STARD8: variants seen among roughly 807,000 people sequenced by gnomAD.
The protein encoded by STARD8 is StAR related lipid transfer domain containing 8.
STARD8 carries 25 observed loss-of-function variants against 69.4 expected under a neutral mutation model. The observed-to-expected ratio is 0.36, with a 90% confidence interval of 0.26 to 0.50. The LOEUF (loss-of-function observed/expected upper bound fraction) is 0.50, where lower values mean the gene tolerates loss of function less well. STARD8 is among the 20% of genes least tolerant of loss of function. The probability of loss-of-function intolerance (pLI) is 0.96; values close to 1 mark genes in which losing one functional copy is unlikely to be tolerated. For missense variants in STARD8, 921 were observed against 932.5 expected, an observed-to-expected ratio of 0.99 and a Z score of 0.16; for synonymous variants, 389 against 374.6, an observed-to-expected ratio of 1.04 and a Z score of -0.45.
At chrX:68,677,474 T>C (rs971641345) in intron 2 of STARD8, among the ~76,000 whole-genome samples, 16 of 111,674 alleles carry the variant, frequency 1.4e-4, no homozygotes, top group Non-Finnish European at 2.8e-4. Context: ...GTGTCCCCAT[T>C]GCCTCTTGTT....
intron 2 of STARD8, among the ~76,000 whole-genome samples, chrX:68,680,707 G>A (rs1435457551): frequency 1.8e-5 from 2 of 111,228 alleles, no homozygotes; most frequent in Non-Finnish European, 3.8e-5. Flanking sequence ...TGACTGAGGG[G>A]AAGGTGTGTG....
At chrX:68,675,891 C>G (rs1487732504) in intron 2 of STARD8, among the ~76,000 whole-genome samples, 1 of 111,861 alleles carries the variant, frequency 8.9e-6, no homozygotes, top group Non-Finnish European at 1.9e-5. Context: ...TGAAATACAA[C>G]CAGGCATAGT....
intron 5 of STARD8, 140 bp downstream of exon 5, chrX:68,716,571 T>A: frequency 7.0e-6 from 4 of 567,538 alleles, no homozygotes; most frequent in South Asian, 3.6e-5. Flanking sequence ...CAGCTAGGGG[T>A]AGAGATGGAG....
rs1412074051 is a variant in STARD8, at chrX:68,722,042, T to C, written c.2460-5T>C. ...TCTCCTCTCACCACCTCCTGCTCCATCTAGGATCAAGAGCAAACGCAGCCT... is the reference window on the plus strand; with the variant it reads ...TCTCCTCTCACCACCTCCTGCTCCACCTAGGATCAAGAGCAAACGCAGCCT... On this transcript the variant is annotated splice_polypyrimidine_tract_variant and splice_region_variant and intron_variant, in intron 10 of 14. Transcript: ENST00000374599. 5 of 1,187,097 alleles carry C rather than the reference T, an allele frequency of 4.2e-6. No homozygotes were observed. The highest frequency in any genetic ancestry group is 2.2e-5 in the Admixed American group (1 of 45,189).
chrX:68,717,768 C>G lies in STARD8; in HGVS notation c.854C>G (p.Ser285Trp). ...RKAWEAWPVA[S>W]FRHPQWTHRG... ...GCCTGGGAGGCCTGGCCTGTGGCCT[C>G]GTTCCGGCATCCTCAGTGGACACAC... The change falls in exon 6 of 15, where the codon TCG becomes TGG. Residue 285 changes from serine (S) to tryptophan (W), a missense_variant. Ser to Trp is a radical substitution (Grantham distance 177). Transcript: ENST00000374599. The G allele has an allele frequency of 8.3e-7, 1 of 1,211,931 alleles. No homozygotes were observed. The highest frequency in any genetic ancestry group is 1.1e-6 in the Non-Finnish European group (1 of 895,504).
In STARD8 at chrX:68,718,582, T is replaced by G. The variant is rs144953103; in HGVS notation, c.1668T>G (p.Arg556=). The change falls in exon 6 of 15, where the codon CGT becomes CGG. Residue 556 remains arginine, a synonymous_variant. Transcript: ENST00000374599. The stretch of plus-strand genomic sequence containing the variant: ...CTGGACTCCAGGCATCAATGCCCCG[T>G]GAACGGCGCGATTCAGGTGTTGGGG... ...PLAGLQASMP[R]ERRDSGVGAS... is the part of the protein sequence containing the mutation. The G allele has an allele frequency of 8.3e-7, 1 of 1,208,065 alleles. No individual in the cohort carries two copies. Among genetic ancestry groups the G allele is most frequent in the African/African-American group, 1.7e-5 (1 of 57,404 alleles).
chrX:68,704,265 G>A (rs1440744626), intron 2 of STARD8, among the ~76,000 whole-genome samples: 1 of 111,819 alleles, frequency 8.9e-6, no homozygotes, highest in Non-Finnish European at 1.9e-5. Context: ...GAGGCTTCGC[G>A]GGAGTGGGTG....
chrX:68,706,314 T>C (rs1323776377), intron 2 of STARD8, among the ~76,000 whole-genome samples: 3 of 112,094 alleles, frequency 2.7e-5, no homozygotes, highest in Non-Finnish European at 5.6e-5. Context: ...CCTGTCTCCT[T>C]TCCTCCCTGT....
chrX:68,722,191 T>TA, intron 11 of STARD8, 30 bp downstream of exon 11: 2 of 1,141,460 alleles, frequency 1.8e-6, no homozygotes, highest in Non-Finnish European at 2.4e-6. Flanking sequence ...GACACCTACT[T>TA]ACCAGACCTG....
At chrX:68,652,905 C>A (rs1415631458) in intron 1 of STARD8, among the ~76,000 whole-genome samples, 1 of 29,449 alleles carries the variant, frequency 3.4e-5, no homozygotes, top group Non-Finnish European at 6.5e-5. Flanking sequence ...ACACCACACA[C>A]ACCACACCAC....
chrX:68,661,088 G>A (rs2079641438), intron 1 of STARD8, among the ~76,000 whole-genome samples: 1 of 111,565 alleles, frequency 9.0e-6, no homozygotes, highest in African/African-American at 3.3e-5. Context: ...GGAAGGGAGA[G>A]GTGGGGCAGA....
intron 1 of STARD8, among the ~76,000 whole-genome samples, chrX:68,653,265 CCACACACCACACCACA>C (rs2079579222): frequency 7.2e-5 from 3 of 41,882 alleles, no homozygotes; most frequent in Non-Finnish European, 1.3e-4. Flanking sequence ...ACCACACACA[CCACACACCACACCACA>C]CACACACCAC....
chrX:68,679,282 G>A (rs2079785825), intron 2 of STARD8, among the ~76,000 whole-genome samples: 1 of 111,404 alleles, frequency 9.0e-6, no homozygotes, highest in South Asian at 3.8e-4. Context: ...ATTGAAGCAA[G>A]GTGGGGTAGG....
chrX:68,693,774 C>T, intron 2 of STARD8: 1 of 755,148 alleles, frequency 1.3e-6, no homozygotes, highest in Non-Finnish European at 1.6e-6. Flanking sequence ...TCGCCTCCTG[C>T]CCGCTCGCTC....
At chrX:68,713,061 A>G in intron 3 of STARD8, 76 bp downstream of exon 3, 1 of 1,022,699 alleles carries the variant, frequency 9.8e-7, no homozygotes, top group East Asian at 3.3e-5. Flanking sequence ...GGGGCAAGTC[A>G]GATTCTCTTT....
At chrX:68,723,336 G>C (rs1198834227) in intron 12 of STARD8, among the ~76,000 whole-genome samples, 1 of 112,719 alleles carries the variant, frequency 8.9e-6, no homozygotes, top group African/African-American at 3.2e-5. Flanking sequence ...CCATCTTCCT[G>C]CACCTCCAAG....
At position 68,647,666 on chromosome X, in the gene STARD8, G is replaced by C. The variant is rs1464500784; in HGVS notation, c.-217G>C. 7.0e-6 allele frequency: 3 copies of C among 430,613 alleles called. No individual in the cohort carries two copies. The highest frequency in any genetic ancestry group is 3.6e-5 in the South Asian group (1 of 27,611). 35.5% of individuals were successfully genotyped at this position (430,613 alleles called of 1,213,427 possible). A position where few individuals can be genotyped will look rare whatever the true frequency, so the allele number is the denominator to read the frequency against. On this transcript the variant is annotated 5_prime_UTR_variant, in exon 1 of 15. Transcript: ENST00000374599. ...CCCTCCCTCCTTTTTTCCCTCCCTCGGTGGCCTTCCAGGAGGCGGGAGGCG... is the reference window on the plus strand; with the variant it reads ...CCCTCCCTCCTTTTTTCCCTCCCTCCGTGGCCTTCCAGGAGGCGGGAGGCG...
chrX:68,722,719 C>T, intron 12 of STARD8, 73 bp downstream of exon 12: 3 of 1,057,478 alleles, frequency 2.8e-6, no homozygotes, highest in Non-Finnish European at 3.9e-6. Context: ...TCAGAGAACC[C>T]AAAGGAAGGA....
At chrX:68,655,267 T>C (rs1368401173) in intron 1 of STARD8, among the ~76,000 whole-genome samples, 2 of 112,166 alleles carry the variant, frequency 1.8e-5, no homozygotes, top group African/African-American at 6.5e-5. Context: ...AGTACTAATG[T>C]ACATGTGCAC....
Sources: allele counts gnomAD v4.1 joint callset (sites outside exome capture counted in the v4.1 genomes callset), GRCh38; gene constraint gnomAD v4.1.1; transcripts MANE v1.5; gene names NCBI Gene and HGNC (gene_info 2026-07-23, HGNC 2026-07-21).